GPC5: variants seen among roughly 807,000 people sequenced by gnomAD.
GPC5 encodes the protein glypican-5.
A neutral mutation model predicts 53.9 loss-of-function variants in GPC5; 47 were observed. The ratio of observed to expected loss-of-function variants is 0.87; its 90% CI spans 0.69 to 1.11. The LOEUF is 1.11. Ranked by LOEUF, GPC5 falls within the 50% of genes most tolerant of loss-of-function variation. The probability of loss-of-function intolerance (pLI) is 0.00; values close to 1 mark genes in which losing one functional copy is unlikely to be tolerated. For synonymous variants in GPC5, 286 were observed against 263.3 expected (o/e 1.09, Z -0.84); for missense variants, 748 against 713.1 (o/e 1.05, Z -0.56).
At chr13:92,040,219 T>C (rs1035880663) in intron 6 of GPC5, among the ~76,000 whole-genome samples, 2 of 152,222 alleles carry the variant, frequency 1.3e-5, no homozygotes, top group African/African-American at 4.8e-5. Flanking sequence ...GTGTGGAGTT[T>C]GCACTTTCTC....
chr13:92,345,110 T>C (rs889834883), intron 7 of GPC5, among the ~76,000 whole-genome samples: 29 of 152,088 alleles, frequency 1.9e-4, no homozygotes, highest in Non-Finnish European at 4.4e-5. Flanking sequence ...TAAAAGTGCA[T>C]GAGGAGTTAC....
At chr13:92,517,463 G>A (rs551172608) in intron 7 of GPC5, among the ~76,000 whole-genome samples, 34 of 152,278 alleles carry the variant, frequency 2.2e-4, no homozygotes, top group Admixed American at 1.1e-3. Context: ...CACCTCACAC[G>A]GCTGGGTACC....
chr13:91,412,107 C>G (rs1296250890), intron 1 of GPC5, among the ~76,000 whole-genome samples: 2 of 152,184 alleles, frequency 1.3e-5, no homozygotes, highest in Non-Finnish European at 2.9e-5. Flanking sequence ...TGGATAACAC[C>G]CCATGATGAT....
chr13:92,235,679 C>T (rs1267869532), intron 7 of GPC5, among the ~76,000 whole-genome samples: 1 of 152,050 alleles, frequency 6.6e-6, no homozygotes, highest in Non-Finnish European at 1.5e-5. Flanking sequence ...TATTAGCAGT[C>T]CTGATTCAAG....
chr13:92,161,982 T>C lies in GPC5; in HGVS notation c.1561+16993T>C, dbSNP rs2041992242. Among the ~76,000 whole-genome samples, 3 of 142,586 alleles carry C rather than the reference T, an allele frequency of 2.1e-5. No homozygotes were observed. In the South Asian group the frequency reaches 6.6e-4, roughly 31 times the overall value. The allele number at this position is 142,586 out of a possible 152,430, so 93.5% of individuals were successfully genotyped here. A position where few individuals can be genotyped will look rare whatever the true frequency, so the allele number is the denominator to read the frequency against. Reference sequence around the variant, plus strand: ...ATATATATATATATATATATATATATATATATATATATATGAAACTAAATG... The same window carrying C: ...ATATATATATATATATATATATATACATATATATATATATGAAACTAAATG... On this transcript the variant is annotated intron_variant, in intron 7 of 7. Transcript: ENST00000377067.
chr13:92,316,045 A>T (rs923209377), intron 7 of GPC5, among the ~76,000 whole-genome samples: 4 of 152,170 alleles, frequency 2.6e-5, no homozygotes, highest in African/African-American at 4.8e-5. Context: ...GGTCAGATAG[A>T]ATTCGATCAG....
At chr13:91,790,404 T>C (rs2037945909) in intron 5 of GPC5, among the ~76,000 whole-genome samples, 1 of 152,230 alleles carries the variant, frequency 6.6e-6, no homozygotes, top group African/African-American at 2.4e-5. Flanking sequence ...TTCATGCATT[T>C]ACTACTCATT....
chr13:92,371,522 T>C (rs2043649517), intron 7 of GPC5, among the ~76,000 whole-genome samples: 1 of 152,122 alleles, frequency 6.6e-6, no homozygotes, highest in South Asian at 2.1e-4. Flanking sequence ...TACACAAGAC[T>C]GGATAATTTA....
chr13:92,295,318 G>A (rs553307804), intron 7 of GPC5, among the ~76,000 whole-genome samples: 2 of 152,126 alleles, frequency 1.3e-5, no homozygotes, highest in African/African-American at 2.4e-5. Context: ...CTATGTATTT[G>A]CATGGTTTTG....
chr13:92,163,376 G>A (rs2042004619), intron 7 of GPC5, among the ~76,000 whole-genome samples: 3 of 150,038 alleles, frequency 2.0e-5, no homozygotes, highest in Admixed American at 6.7e-5. Context: ...CAGGAGAATA[G>A]CTTGAACCTG....
At chr13:92,860,330 A>G (rs1879139270) in intron 7 of GPC5, among the ~76,000 whole-genome samples, 1 of 152,162 alleles carries the variant, frequency 6.6e-6, no homozygotes, top group African/African-American at 2.4e-5. Context: ...ATGAGGCTAT[A>G]GGGCTACCGG....
chr13:91,438,077 C>G (rs1334189748), intron 1 of GPC5, among the ~76,000 whole-genome samples: 2 of 152,026 alleles, frequency 1.3e-5, no homozygotes, highest in Non-Finnish European at 2.9e-5. Context: ...AATTTTTTTT[C>G]AAGGTTTTTA....
chr13:92,818,043 C>A (rs920918903), intron 7 of GPC5, among the ~76,000 whole-genome samples: 4 of 146,062 alleles, frequency 2.7e-5, no homozygotes. Flanking sequence ...GATGGAGTCT[C>A]GCTCCGTCAC....
chr13:91,410,336 A>G (rs946048616), intron 1 of GPC5, among the ~76,000 whole-genome samples: 1 of 130,388 alleles, frequency 7.7e-6, no homozygotes, highest in Non-Finnish European at 1.6e-5. Flanking sequence ...AATCGTTTCC[A>G]TTCTTTTTTT....
At chr13:92,808,605 CAAG>C (rs1450791498) in intron 7 of GPC5, among the ~76,000 whole-genome samples, 3 of 151,930 alleles carry the variant, frequency 2.0e-5, no homozygotes, top group African/African-American at 7.2e-5. Context: ...ACAAAATAAA[CAAG>C]ATGATTTTTT....
chr13:92,741,712 A>G (rs984443134), intron 7 of GPC5, among the ~76,000 whole-genome samples: 8 of 151,996 alleles, frequency 5.3e-5, no homozygotes, highest in African/African-American at 1.9e-4. Flanking sequence ...CATTAGGTAT[A>G]TCTCCTAATG....
At chr13:92,714,150 T>TTTGA (rs1253581846) in intron 7 of GPC5, among the ~76,000 whole-genome samples, 9 of 152,290 alleles carry the variant, frequency 5.9e-5, no homozygotes, top group African/African-American at 1.4e-4. Context: ...ACCAGCTACA[T>TTTGA]TTGATAGGAT....
chr13:91,427,207 C>T, intron 1 of GPC5, among the ~76,000 whole-genome samples: 1 of 152,204 alleles, frequency 6.6e-6, no homozygotes, highest in Middle Eastern at 3.2e-3. Context: ...GAGAAGAGGG[C>T]TGCAGTCTTC....
chr13:91,826,759 T>C (rs2038581833), intron 5 of GPC5, among the ~76,000 whole-genome samples: 1 of 152,082 alleles, frequency 6.6e-6, no homozygotes, highest in African/African-American at 2.4e-5. Flanking sequence ...AGCAATTCAA[T>C]TGGTAAAGGA....
Sources: gnomAD v4.1 joint callset for allele counts (sites outside exome capture counted in the v4.1 genomes callset) on GRCh38, gnomAD v4.1.1 for gene constraint, MANE v1.5 for transcripts, NCBI Gene and HGNC (gene_info 2026-07-23, HGNC 2026-07-21) for gene names.